SHISA9: variants seen among roughly 807,000 people sequenced by gnomAD.
SHISA9 encodes shisa family member 9, also known as protein shisa-9.
A neutral mutation model predicts 38.0 loss-of-function variants in SHISA9; 13 were observed. The ratio of observed to expected loss-of-function variants is 0.34; its 90% CI spans 0.22 to 0.54. The LOEUF (loss-of-function observed/expected upper bound fraction) is 0.54. Ranked by LOEUF, SHISA9 falls within the 20% of genes least tolerant of loss-of-function variation. SHISA9 has a pLI of 0.91. For synonymous variants in SHISA9, 275 were observed against 242.0 expected, an observed-to-expected ratio of 1.14 and a Z score of -1.27; for missense variants, 538 against 575.8, an observed-to-expected ratio of 0.93 and a Z score of 0.67.
In SHISA9 at chr16:13,057,050, A is replaced by G. The variant is rs982410573; in HGVS notation, c.691+140235A>G. Among the ~76,000 whole-genome samples the G allele has an allele frequency of 3.3e-5, 5 of 152,344 alleles. No homozygotes were observed. In the East Asian group the frequency reaches 9.7e-4, roughly 29 times the overall value. On this transcript the variant is annotated intron_variant, in intron 2 of 4. Coordinates refer to ENST00000558583, the MANE Select transcript of SHISA9 (RefSeq NM_001145204.3). ...TCCAGAAAGCATATTGCAAAAGGAAAATACAAACTGGAAGCTAAAGGAATG... is the reference window on the plus strand; with the variant it reads ...TCCAGAAAGCATATTGCAAAAGGAAGATACAAACTGGAAGCTAAAGGAATG...
chr16:12,978,352 T>A (rs1049583418), intron 2 of SHISA9, among the ~76,000 whole-genome samples: 1 of 152,212 alleles, frequency 6.6e-6, no homozygotes, highest in Non-Finnish European at 1.5e-5. Context: ...GATAGCCGAT[T>A]TATATAGAGA....
intron 2 of SHISA9, among the ~76,000 whole-genome samples, chr16:13,059,886 CA>C (rs2073354066): frequency 6.6e-6 from 1 of 152,074 alleles, no homozygotes; most frequent in South Asian, 2.1e-4. Flanking sequence ...GAGAGGCCTC[CA>C]AAGGGACCCA....
At chr16:13,370,347 G>A in the SHISA9 span, among the ~76,000 whole-genome samples, 69 of 152,172 alleles carry the variant, frequency 4.5e-4, no homozygotes, top group Non-Finnish European at 2.6e-4. Context: ...TGGGGACCAG[G>A]TCTTTAAAAT....
intron 2 of SHISA9, among the ~76,000 whole-genome samples, chr16:13,134,544 A>AT (rs1488369053): frequency 3.3e-5 from 5 of 151,968 alleles, no homozygotes; most frequent in African/African-American, 7.3e-5. Context: ...AAGGGATAGG[A>AT]TTTTTTTGTT....
chr16:13,510,086 A>G, the SHISA9 span, among the ~76,000 whole-genome samples: 2 of 152,148 alleles, frequency 1.3e-5, no homozygotes, highest in African/African-American at 4.8e-5. Flanking sequence ...TGGGCAGATT[A>G]CCTGAGGTCA....
chr16:13,435,901 G>A, the SHISA9 span, among the ~76,000 whole-genome samples: 1 of 152,160 alleles, frequency 6.6e-6, no homozygotes, highest in African/African-American at 2.4e-5. Flanking sequence ...GCAAGCATAA[G>A]TGAGCTGTAT....
At chr16:13,101,269 C>T (rs188503208) in intron 2 of SHISA9, among the ~76,000 whole-genome samples, 13 of 151,962 alleles carry the variant, frequency 8.6e-5, no homozygotes, top group Admixed American at 3.3e-4. Context: ...TGTTCTCACA[C>T]GAAGAAACAA....
the SHISA9 span, among the ~76,000 whole-genome samples, chr16:13,549,996 G>A: frequency 4.0e-5 from 6 of 149,062 alleles, no homozygotes; most frequent in East Asian, 5.9e-4. Context: ...GCACTCCAGC[G>A]TGGGCAACAG....
At chr16:13,317,650 T>C in the SHISA9 span, among the ~76,000 whole-genome samples, 1 of 152,150 alleles carries the variant, frequency 6.6e-6, no homozygotes, top group African/African-American at 2.4e-5. Flanking sequence ...CTCTGTAGAA[T>C]GGAGATCACA....
At chr16:12,975,459 C>T (rs903825279) in intron 2 of SHISA9, among the ~76,000 whole-genome samples, 9 of 151,928 alleles carry the variant, frequency 5.9e-5, no homozygotes, top group East Asian at 3.9e-4. Flanking sequence ...GCTGAGATTG[C>T]GCCACTGCAC....
chr16:13,107,701 C>T (rs2073940844), intron 2 of SHISA9, among the ~76,000 whole-genome samples: 1 of 151,826 alleles, frequency 6.6e-6, no homozygotes, highest in Non-Finnish European at 1.5e-5. Context: ...TAGGTTGGGG[C>T]CAGGTGATCA....
At chr16:13,139,148 A>C (rs1204029600) in intron 2 of SHISA9, among the ~76,000 whole-genome samples, 1 of 151,876 alleles carries the variant, frequency 6.6e-6, no homozygotes, top group Non-Finnish European at 1.5e-5. Flanking sequence ...TTTATTTGTA[A>C]TTTGTTTCTT....
intron 2 of SHISA9, among the ~76,000 whole-genome samples, chr16:13,150,084 A>G (rs1481452923): frequency 6.8e-6 from 1 of 146,348 alleles, no homozygotes; most frequent in African/African-American, 2.5e-5. Context: ...TTAAAAGTCC[A>G]GAGTGTCAAC....
At chr16:13,035,964 A>G (rs1462471358) in intron 2 of SHISA9, among the ~76,000 whole-genome samples, 2 of 152,224 alleles carry the variant, frequency 1.3e-5, no homozygotes, top group Admixed American at 6.5e-5. Context: ...GATACCACCC[A>G]TTAGAATGGC....
At chr16:13,002,710 T>G (rs2072541315) in intron 2 of SHISA9, among the ~76,000 whole-genome samples, 1 of 151,870 alleles carries the variant, frequency 6.6e-6, no homozygotes, top group Non-Finnish European at 1.5e-5. Flanking sequence ...TTTTTGTATT[T>G]TTAATAGAGA....
the SHISA9 span, among the ~76,000 whole-genome samples, chr16:13,394,936 T>C: frequency 1.2e-4 from 17 of 147,396 alleles, no homozygotes; most frequent in Admixed American, 2.0e-4. Context: ...GGGGTGTGTG[T>C]GTGTGTGTGT....
intron 2 of SHISA9, among the ~76,000 whole-genome samples, chr16:13,086,477 A>T (rs1320750592): frequency 3.3e-5 from 5 of 152,004 alleles, no homozygotes; most frequent in African/African-American, 1.2e-4. Flanking sequence ...GACAGATGTG[A>T]GGAAATTAGG....
Position 13,140,178 on chromosome 16 carries a change from T to TC in SHISA9, c.692-63213dup, listed in dbSNP as rs1567225198. Among the ~76,000 whole-genome samples the TC allele has an allele frequency of 1.6e-4, 16 of 99,952 alleles. 1 individual carries two copies. The highest frequency in any genetic ancestry group is 5.3e-4 in the African/African-American group (13 of 24,486). 65.6% of individuals were successfully genotyped at this position (99,952 alleles called of 152,430 possible). A position where few individuals can be genotyped will look rare whatever the true frequency, so the allele number is the denominator to read the frequency against. On this transcript the variant is annotated intron_variant, in intron 2 of 4. Transcript: ENST00000558583. ...CCCCTCCCCTCCCCTCCCCTCCCCT[T>TC]CCCTTCCCTTTCTTTTTAGACAGAG...
At chr16:13,122,054 A>ATATTT (rs544132298) in intron 2 of SHISA9, among the ~76,000 whole-genome samples, 127 of 152,344 alleles carry the variant, frequency 8.3e-4, no homozygotes, top group African/African-American at 3.0e-3. Context: ...GTCAGATGTC[A>ATATTT]TATTTTTAGC....
Sources: allele counts gnomAD v4.1 joint callset (sites outside exome capture counted in the v4.1 genomes callset), GRCh38; gene constraint gnomAD v4.1.1; transcripts MANE v1.5; gene names NCBI Gene and HGNC (gene_info 2026-07-23, HGNC 2026-07-21).